The following SCOC variants were observed in gnomAD, a reference collection of about 807,000 sequenced individuals.
The protein encoded by SCOC is short coiled coil protein.
Under a neutral mutation model 9.9 loss-of-function variants are expected in SCOC, and 7 were observed. The observed-to-expected ratio is 0.71, with a 90% confidence interval of 0.40 to 1.33. SCOC has a LOEUF of 1.33. Among genes scored for constraint, SCOC ranks in the 40% most tolerant of loss-of-function variants. The pLI, the probability that SCOC is intolerant of heterozygous loss-of-function variation, is 0.01. For missense variants in SCOC, 66 were observed against 89.7 expected (o/e 0.74, Z 1.07); for synonymous variants, 19 against 28.2 (o/e 0.67, Z 1.03).
chr4:140,335,775 C>T (rs1260022541), intron 1 of SCOC, among the ~76,000 whole-genome samples: 4 of 152,146 alleles, frequency 2.6e-5, no homozygotes, highest in Non-Finnish European at 4.4e-5. Flanking sequence ...ATTTTGAGAT[C>T]ATGACAAAGG....
intron 1 of SCOC, among the ~76,000 whole-genome samples, chr4:140,259,028 C>T (rs1730571673): frequency 6.6e-6 from 1 of 152,200 alleles, no homozygotes; most frequent in African/African-American, 2.4e-5. Context: ...TGGAATTGGA[C>T]GTCTCTTTCA....
intron 2 of SCOC, among the ~76,000 whole-genome samples, chr4:140,356,929 AAAGG>A (rs1325791258): frequency 2.6e-5 from 4 of 152,166 alleles, no homozygotes; most frequent in African/African-American, 9.7e-5. Context: ...GAGAAGGATA[AAAGG>A]AAGAGATACA....
chr4:140,378,642 G>A (rs1314434875), intron 1 of SCOC, among the ~76,000 whole-genome samples: 1 of 152,068 alleles, frequency 6.6e-6, no homozygotes, highest in Non-Finnish European at 1.5e-5. Context: ...GGGCAGTTAT[G>A]TTGTTTCTGA....
chr4:140,274,797 T>C (rs1730941675), intron 1 of SCOC, among the ~76,000 whole-genome samples: 3 of 152,246 alleles, frequency 2.0e-5, no homozygotes, highest in Admixed American at 2.0e-4. Flanking sequence ...CTCCTCGGTG[T>C]CTAAGGAAGG....
intron 1 of SCOC, among the ~76,000 whole-genome samples, chr4:140,269,398 C>G (rs1730794415): frequency 6.6e-6 from 1 of 152,054 alleles, no homozygotes; most frequent in African/African-American, 2.4e-5. Flanking sequence ...CCCTAAGCTG[C>G]CGTGTAAGGC....
intron 1 of SCOC, 162 bp downstream of exon 1, chr4:140,373,879 G>A (rs929038324): frequency 1.3e-6 from 1 of 790,784 alleles, no homozygotes; most frequent in African/African-American, 1.7e-5. Context: ...GGGCGGCGGA[G>A]GCCTGGCTCC....
chr4:140,286,754 C>A (rs1009531724), intron 1 of SCOC, among the ~76,000 whole-genome samples: 1 of 152,180 alleles, frequency 6.6e-6, no homozygotes, highest in Non-Finnish European at 1.5e-5. Context: ...GGAGGCGGGG[C>A]GCTGGAGCCG....
intron 2 of SCOC, among the ~76,000 whole-genome samples, chr4:140,367,745 T>C (rs1727864787): frequency 6.6e-6 from 1 of 152,142 alleles, no homozygotes; most frequent in South Asian, 2.1e-4. Flanking sequence ...AAAATGTAGA[T>C]TCGTGTTTAG....
At chr4:140,371,328 C>T (rs577070582), upstream of SCOC, among the ~76,000 whole-genome samples, 6,085 of 152,050 alleles carry the variant, frequency 0.04, 145 homozygotes, top group South Asian at 0.096. Context: ...CTTAATGAAT[C>T]GTGCTGTTTC....
intron 1 of SCOC, among the ~76,000 whole-genome samples, chr4:140,319,048 G>A (rs1418337561): frequency 1.3e-5 from 2 of 151,746 alleles, no homozygotes; most frequent in Non-Finnish European, 2.9e-5. Context: ...TATTGTAAAC[G>A]CTCTAAGTTC....
chr4:140,375,759 A>G (rs1247051693), intron 1 of SCOC, among the ~76,000 whole-genome samples: 1 of 152,168 alleles, frequency 6.6e-6, no homozygotes, highest in Non-Finnish European at 1.5e-5. Context: ...ATTCCCTTCC[A>G]CTAACCAAGG....
chr4:140,380,373 T>C (rs1212592176), intron 3 of SCOC, among the ~76,000 whole-genome samples: 1 of 151,896 alleles, frequency 6.6e-6, no homozygotes, highest in Non-Finnish European at 1.5e-5. Flanking sequence ...AATTTTTTTG[T>C]ATTTTTAGTA....
At chr4:140,339,962 A>G (rs1388149650), upstream of SCOC, among the ~76,000 whole-genome samples, 1 of 152,222 alleles carries the variant, frequency 6.6e-6, no homozygotes, top group Non-Finnish European at 1.5e-5. Flanking sequence ...TATATACCCA[A>G]AGGATTACAA....
intron 2 of SCOC, among the ~76,000 whole-genome samples, chr4:140,362,299 C>CTTCTTCTTCTTCTT (rs367795160): frequency 2.6e-5 from 1 of 38,376 alleles, no homozygotes; most frequent in African/African-American, 7.5e-5. Flanking sequence ...TCTTCTTCTT[C>CTTCTTCTTCTTCTT]TTTTTTTTTT....
chr4:140,287,349 G>T (rs1289351168), intron 1 of SCOC, among the ~76,000 whole-genome samples: 2 of 150,288 alleles, frequency 1.3e-5, no homozygotes, highest in East Asian at 3.9e-4. Context: ...CACACATCAT[G>T]TGCACATGCC....
intron 2 of SCOC, among the ~76,000 whole-genome samples, chr4:140,346,320 C>T (rs189738063): frequency 7.2e-4 from 109 of 152,236 alleles, no homozygotes; most frequent in Non-Finnish European, 1.3e-3. Context: ...GGATGCCAGC[C>T]GAGTGCGGTA....
chr4:140,340,823 G>A (rs79388136), upstream of SCOC, among the ~76,000 whole-genome samples: 24,512 of 120,052 alleles, frequency 0.2, 3,062 homozygotes, highest in African/African-American at 0.37. Flanking sequence ...GGATAGTCTC[G>A]CTCTGTTGCC....
chr4:140,316,639 A>T (rs1283452326), intron 1 of SCOC, among the ~76,000 whole-genome samples: 1 of 152,056 alleles, frequency 6.6e-6, no homozygotes, highest in African/African-American at 2.4e-5. Flanking sequence ...TCACCTGGGG[A>T]TTTATTCAAA....
rs1289254143 is a variant in SCOC at position 140,385,616 on chromosome 4, G to A, written c.*4512G>A. 1 of 152,164 alleles carries A rather than the reference G, an allele frequency of 6.6e-6. No homozygotes were observed. The highest frequency in any genetic ancestry group is 1.9e-4 in the East Asian group (1 of 5,196). The allele number at this position is 152,164 out of a possible 1,614,324, so 9.4% of individuals were successfully genotyped here. Reference sequence around the variant, plus strand: ...TCCCTTTTGTAAGAGAAATATGGTAGTTGAATTATAAAATCTAAAATTAAT... The same window carrying A: ...TCCCTTTTGTAAGAGAAATATGGTAATTGAATTATAAAATCTAAAATTAAT... On this transcript the variant is annotated 3_prime_UTR_variant, in exon 4 of 4. Coordinates refer to ENST00000608372, the MANE Select transcript of SCOC (RefSeq NM_001153484.2).
Sources: gnomAD v4.1 joint callset for allele counts (sites outside exome capture counted in the v4.1 genomes callset) on GRCh38, gnomAD v4.1.1 for gene constraint, MANE v1.5 for transcripts, NCBI Gene and HGNC (gene_info 2026-07-23, HGNC 2026-07-21) for gene names.